TENM4: variants seen among roughly 807,000 people sequenced by gnomAD.
The protein encoded by TENM4 is teneurin-4.
TENM4 carries 82 observed loss-of-function variants against 243.3 expected under a neutral mutation model. The observed-to-expected ratio is 0.34, with a 90% CI of 0.28 to 0.40. TENM4 has a LOEUF of 0.40. Among genes scored for constraint, TENM4 ranks in the 10% least tolerant of loss-of-function variants. TENM4 has a pLI of 1.00. For synonymous variants in TENM4, 1,412 were observed against 1,456.3 expected (o/e 0.97, Z 0.69); for missense variants, 3,138 against 3,673.3 (o/e 0.85, Z 3.77).
rs955518678 is a variant in TENM4, at chr11:79,069,643, G to A, written c.223+79C>T. ...GCTCACCTGTGCCACGCCCACCTGC[G>A]CCACGCCCACCCGAGCCCATGCCTA... On this transcript the variant is annotated intron_variant, in intron 5 of 33. Transcript: ENST00000278550. The A allele has an allele frequency of 5.5e-6, 8 of 1,464,910 alleles. No homozygotes were observed. The African/African-American group carries it at 5.6e-5, about 10-fold the overall frequency. 90.7% of individuals were successfully genotyped at this position (1,464,910 alleles called of 1,614,324 possible).
chr11:78,913,550 T>A (rs1856240359), intron 6 of TENM4, among the ~76,000 whole-genome samples: 1 of 151,052 alleles, frequency 6.6e-6, no homozygotes, highest in Non-Finnish European at 1.5e-5. Flanking sequence ...AAGTCCCAAA[T>A]CAACAAGGAA....
intron 6 of TENM4, among the ~76,000 whole-genome samples, chr11:78,938,305 G>A (rs1395230340): frequency 2.0e-5 from 3 of 152,116 alleles, no homozygotes; most frequent in African/African-American, 7.2e-5. Flanking sequence ...CCTAAAACTT[G>A]CAAAAATAGT....
intron 4 of TENM4, among the ~76,000 whole-genome samples, chr11:79,127,491 G>A (rs1458253042): frequency 7.4e-6 from 1 of 135,774 alleles, no homozygotes; most frequent in Non-Finnish European, 1.6e-5. Context: ...CTGGTATGCA[G>A]CCATTGACTT....
chr11:79,126,852 C>A (rs1861888960), intron 4 of TENM4, among the ~76,000 whole-genome samples: 2 of 152,272 alleles, frequency 1.3e-5, no homozygotes, highest in South Asian at 2.1e-4. Flanking sequence ...AAGGAGACAT[C>A]TGGCCTTTTA....
At chr11:79,290,201 G>T (rs1343002459) in intron 2 of TENM4, among the ~76,000 whole-genome samples, 1 of 152,202 alleles carries the variant, frequency 6.6e-6, no homozygotes, top group Non-Finnish European at 1.5e-5. Flanking sequence ...AACTCTAGAA[G>T]AGATAGCATT....
At chr11:78,962,583 G>A (rs1857353380) in intron 6 of TENM4, among the ~76,000 whole-genome samples, 1 of 152,126 alleles carries the variant, frequency 6.6e-6, no homozygotes, top group Admixed American at 6.5e-5. Context: ...CTGGCAAAGA[G>A]GGAATCTCGG....
At chr11:79,269,537 G>A (rs1855933692) in intron 2 of TENM4, 1 of 152,356 alleles carries the variant, frequency 6.6e-6, no homozygotes, top group Non-Finnish European at 1.5e-5. Context: ...CATCTTCCAG[G>A]AGGGGAATAG....
At chr11:79,383,338 C>T (rs1237368727) in intron 1 of TENM4, among the ~76,000 whole-genome samples, 1 of 152,220 alleles carries the variant, frequency 6.6e-6, no homozygotes, top group Non-Finnish European at 1.5e-5. Flanking sequence ...CCCTTTAGAC[C>T]TGGGTGGTTT....
Position 79,069,770 on chromosome 11 carries a change from GGCT to G in TENM4, c.172_174del (p.Ser58del). ...TCCTGCGGCACAATGTCCTTGACGC[GGCT>G]GCCATAGGCTAGGCGGGCGTCCTGG... On this transcript the variant is annotated inframe_deletion, in exon 5 of 34. Transcript: ENST00000278550. 6.4e-7 allele frequency: 1 copy of G among 1,551,216 alleles called. No individual in the cohort carries two copies. The highest frequency in any genetic ancestry group is 8.7e-7 in the Non-Finnish European group (1 of 1,146,908).
At chr11:79,037,519 C>T (rs1054017225) in intron 6 of TENM4, among the ~76,000 whole-genome samples, 3 of 152,336 alleles carry the variant, frequency 2.0e-5, no homozygotes, top group Admixed American at 6.5e-5. Flanking sequence ...AAATTCCTTA[C>T]AATTTTCACA....
chr11:79,315,869 A>C (rs542798635), intron 1 of TENM4, among the ~76,000 whole-genome samples: 65 of 152,336 alleles, frequency 4.3e-4, no homozygotes, highest in African/African-American at 1.5e-3. Flanking sequence ...AGAGTTCATC[A>C]CACTTATTAG....
intron 2 of TENM4, among the ~76,000 whole-genome samples, chr11:79,253,428 G>A (rs1855646392): frequency 6.6e-6 from 1 of 152,230 alleles, no homozygotes; most frequent in Admixed American, 6.5e-5. Context: ...ATCGCAGCCT[G>A]TCAGACTCCT....
At chr11:78,921,333 C>A (rs905434269) in intron 6 of TENM4, among the ~76,000 whole-genome samples, 1 of 152,186 alleles carries the variant, frequency 6.6e-6, no homozygotes, top group Non-Finnish European at 1.5e-5. Flanking sequence ...GGGAGTGCCA[C>A]GGCACAGCAA....
intron 6 of TENM4, among the ~76,000 whole-genome samples, chr11:78,912,526 G>A (rs1479326393): frequency 4.6e-5 from 7 of 152,216 alleles, no homozygotes; most frequent in Non-Finnish European, 1.0e-4. Context: ...AAAGTGCTGG[G>A]ATTACAGGCG....
intron 4 of TENM4, among the ~76,000 whole-genome samples, chr11:79,099,403 T>A (rs540190632): frequency 6.6e-6 from 1 of 152,010 alleles, no homozygotes; most frequent in African/African-American, 2.4e-5. Context: ...TGGGGAGAGG[T>A]CAGAGTCATG....
At chr11:79,415,522 G>C (rs968944316) in intron 1 of TENM4, among the ~76,000 whole-genome samples, 3 of 152,160 alleles carry the variant, frequency 2.0e-5, no homozygotes, top group African/African-American at 7.2e-5. Context: ...ATGATGTGAT[G>C]TAGGTTTACC....
chr11:79,296,056 A>G (rs1474554784), intron 2 of TENM4, among the ~76,000 whole-genome samples: 1 of 152,128 alleles, frequency 6.6e-6, no homozygotes, highest in Non-Finnish European at 1.5e-5. Flanking sequence ...ACATACACAT[A>G]TATTGTAAGA....
At chr11:79,131,635 CA>C (rs1369545727) in intron 4 of TENM4, among the ~76,000 whole-genome samples, 1 of 152,062 alleles carries the variant, frequency 6.6e-6, no homozygotes, top group Non-Finnish European at 1.5e-5. Context: ...AAAGCAAAAA[CA>C]AAAAACAAAG....
chr11:79,120,687 A>C (rs1039647808), intron 4 of TENM4, among the ~76,000 whole-genome samples: 3 of 152,250 alleles, frequency 2.0e-5, no homozygotes, highest in African/African-American at 7.2e-5. Context: ...AATAAAAGTG[A>C]AAAATATAAA....
Sources: allele counts gnomAD v4.1 joint callset (sites outside exome capture counted in the v4.1 genomes callset), GRCh38; gene constraint gnomAD v4.1.1; transcripts MANE v1.5; gene names NCBI Gene and HGNC (gene_info 2026-07-23, HGNC 2026-07-21).